Variants in RPS6KA2 observed in about 807,000 individuals in gnomAD.
The protein encoded by RPS6KA2 is ribosomal protein S6 kinase alpha-2.
RPS6KA2 carries 42 observed loss-of-function variants against 91.8 expected under a neutral mutation model. The ratio of observed to expected loss-of-function variants is 0.46; its 90% CI spans 0.36 to 0.59. The LOEUF is 0.59. Among genes scored for constraint, RPS6KA2 ranks in the 20% least tolerant of loss-of-function variants. RPS6KA2 has a pLI of 0.00. For missense variants in RPS6KA2, 798 were observed against 978.5 expected (o/e 0.82, Z 2.46); for synonymous variants, 414 against 393.6 (o/e 1.05, Z -0.61).
intron 1 of RPS6KA2, chr6:166,861,964 TC>T (rs1186659041): frequency 2.0e-6 from 2 of 991,702 alleles, no homozygotes; most frequent in East Asian, 4.8e-5. Flanking sequence ...AACATATACA[TC>T]CACACACACT....
intron 1 of RPS6KA2, among the ~76,000 whole-genome samples, chr6:166,550,738 C>T (rs956925618): frequency 3.3e-5 from 5 of 152,116 alleles, no homozygotes; most frequent in Non-Finnish European, 5.9e-5. Context: ...CGCGATGGCT[C>T]ACGCCTGTAA....
Position 166,594,261 on chromosome 6 carries a change from A to G in RPS6KA2, c.99+32660T>C, listed in dbSNP as rs187019504. ...AAGAACTGCACATATGTATACATGA[A>G]GAAAGAATCAGAGGAAATCAAAAAT... is the stretch of plus-strand genomic sequence containing the variant. On this transcript the variant is annotated intron_variant, in intron 1 of 20. Transcript: ENST00000265678. Among the ~76,000 whole-genome samples, 247 of 152,340 alleles carry G rather than the reference A, an allele frequency of 1.6e-3. 2 individuals carry two copies. The highest frequency in any genetic ancestry group is 5.7e-3 in the African/African-American group (237 of 41,578).
chr6:166,454,362 G>A (rs1016188864), intron 12 of RPS6KA2, among the ~76,000 whole-genome samples: 1 of 152,094 alleles, frequency 6.6e-6, no homozygotes, highest in Non-Finnish European at 1.5e-5. Flanking sequence ...GCCAGGCGGG[G>A]TGGCGCACGC....
At chr6:166,430,705 G>T in intron 15 of RPS6KA2, 94 bp from the exon 16 acceptor site, 1 of 1,330,912 alleles carries the variant, frequency 7.5e-7, no homozygotes, top group East Asian at 2.5e-5. Context: ...AGTCAGAGGG[G>T]AGAGGCTGGG....
At chr6:166,679,660 G>A (rs1226668944) in intron 2 of RPS6KA2, among the ~76,000 whole-genome samples, 2 of 152,198 alleles carry the variant, frequency 1.3e-5, no homozygotes, top group Admixed American at 6.5e-5. Flanking sequence ...ATCTGGCCGC[G>A]CTCGAGGAGC....
intron 1 of RPS6KA2, among the ~76,000 whole-genome samples, chr6:166,618,415 A>G (rs1284953616): frequency 6.6e-6 from 1 of 152,136 alleles, no homozygotes; most frequent in African/African-American, 2.4e-5. Context: ...GCAAAGCAGG[A>G]GGCCTGGGTG....
intron 2 of RPS6KA2, among the ~76,000 whole-genome samples, chr6:166,751,475 C>A (rs1221468999): frequency 6.6e-6 from 1 of 152,250 alleles, no homozygotes; most frequent in African/African-American, 2.4e-5. Flanking sequence ...GGAGGCAAAG[C>A]TGCACCGCAG....
chr6:166,540,731 G>A (rs1360092491), intron 1 of RPS6KA2, among the ~76,000 whole-genome samples: 2 of 152,116 alleles, frequency 1.3e-5, no homozygotes, highest in Admixed American at 6.5e-5. Flanking sequence ...ACCCGAGACT[G>A]TGCAGCTTTT....
chr6:166,648,269 TACACACGCATGCACACAGTATGCAC>T lies in RPS6KA2; in HGVS notation c.124-109510_124-109486del, dbSNP rs1355269437. The stretch of plus-strand genomic sequence containing the variant: ...ACACAGGCACACACACTCATGTTCA[TACACACGCATGCACACAGTATGCAC>T]ACACACGCATGTATACACATGCACA... On this transcript the variant is annotated intron_variant, in intron 2 of 21. Coordinates refer to the RPS6KA2 transcript ENST00000503859. The surrounding 1 kb of genome is among the most constrained non-coding windows in gnomAD (Gnocchi z 4.8). 6.6e-6 allele frequency among the ~76,000 whole-genome samples: 1 copy of T among 151,028 alleles called. No homozygotes were observed. The highest frequency in any genetic ancestry group is 6.6e-5 in the Admixed American group (1 of 15,158).
Position 166,557,203 on chromosome 6 carries a change from C to A in RPS6KA2, c.100-18419G>T, listed in dbSNP as rs1378544341. The stretch of plus-strand genomic sequence containing the variant: ...CCTGATCTACGGCAGGCAGTTCCCA[C>A]CCAGCCAACAGGCAGAGGCAGCTGC... On this transcript the variant is annotated intron_variant, in intron 1 of 20. Transcript: ENST00000265678. This position sits in a 1 kb window ranked among gnomAD's most constrained non-coding sequence, Gnocchi z 4.8. 6.6e-6 allele frequency among the ~76,000 whole-genome samples: 1 copy of A among 152,254 alleles called. No homozygotes were observed. Among genetic ancestry groups the A allele is most frequent in the Non-Finnish European group, 1.5e-5 (1 of 68,044 alleles).
Position 166,701,308 on chromosome 6 carries a change from G to T in RPS6KA2, c.123+156892C>A, listed in dbSNP as rs1404620424. 5 of 1,575,946 alleles carry T rather than the reference G, an allele frequency of 3.2e-6. No individual in the cohort carries two copies. The East Asian group carries it at 1.2e-4, about 36-fold the overall frequency. ...TGACAAATTCTGAAGTTCATTCACC[G>T]TTTTGCCTCCTTTTCCAGTAACTGC... On this transcript the variant is annotated intron_variant, in intron 2 of 21. Transcript: ENST00000503859.
In RPS6KA2 at chr6:166,508,977, C is replaced by T. The variant is rs964467016; in HGVS notation, c.380-695G>A. 3.3e-5 allele frequency among the ~76,000 whole-genome samples: 5 copies of T among 152,168 alleles called. No individual in the cohort carries two copies. The highest frequency in any genetic ancestry group is 2.1e-4 in the South Asian group (1 of 4,816). On this transcript the variant is annotated intron_variant, in intron 4 of 20. Coordinates refer to ENST00000265678, the MANE Select transcript of RPS6KA2 (RefSeq NM_021135.6). This position sits in a 1 kb window ranked among gnomAD's most constrained non-coding sequence, Gnocchi z 4.3. ...AAGCCCGTCACCATCGCTGCTGTGA[C>T]GATGGTTGCTGCAGTGGCACTGGTG...
At chr6:166,682,938 A>C (rs1354003629) in intron 2 of RPS6KA2, among the ~76,000 whole-genome samples, 1 of 152,150 alleles carries the variant, frequency 6.6e-6, no homozygotes, top group Non-Finnish European at 1.5e-5. Context: ...ACCCAAACCA[A>C]TGAGTTGAAG....
chr6:166,492,899 T>A (rs1781654756), intron 8 of RPS6KA2, among the ~76,000 whole-genome samples: 1 of 150,004 alleles, frequency 6.7e-6, no homozygotes, highest in African/African-American at 2.4e-5. Context: ...TATTTTTTTT[T>A]TTTTTTTTTT....
rs1483581606 is a variant in RPS6KA2, at chr6:166,626,977, A to T, written c.43T>A (p.Ser15Thr). The T allele has an allele frequency of 6.4e-7, 1 of 1,559,422 alleles. No individual in the cohort carries two copies. The change falls in exon 1 of 21, where the codon TCT becomes ACT. Residue 15 changes from serine to threonine, a missense_variant. Coordinates refer to ENST00000265678, the MANE Select transcript of RPS6KA2 (RefSeq NM_021135.6). The surrounding 1 kb of genome is among the most constrained non-coding windows in gnomAD (Gnocchi z 4.1). ...MKKFAVRRFF[S>T]VYLRRKSRSK... ...CGCGACTTCCTGCGCAGGTACACAG[A>T]GAAGAACCTGCGCACGGCGAACTTC... is the stretch of plus-strand genomic sequence containing the variant.
chr6:166,601,954 A>G (rs1311306276), intron 1 of RPS6KA2, among the ~76,000 whole-genome samples: 1 of 152,264 alleles, frequency 6.6e-6, no homozygotes, highest in African/African-American at 2.4e-5. Flanking sequence ...CAAACTTGAT[A>G]GCATTTACAA....
At chr6:166,605,111 A>T (rs568386942) in intron 1 of RPS6KA2, among the ~76,000 whole-genome samples, 10 of 152,266 alleles carry the variant, frequency 6.6e-5, no homozygotes, top group African/African-American at 1.9e-4. Context: ...ACTGCCTCCA[A>T]CCAGATTCTG....
At chr6:166,600,583 G>C (rs1785699308) in intron 1 of RPS6KA2, among the ~76,000 whole-genome samples, 1 of 152,234 alleles carries the variant, frequency 6.6e-6, no homozygotes, top group Admixed American at 6.5e-5. Flanking sequence ...AGTGCAGGAA[G>C]TCCACCTGAT....
intron 11 of RPS6KA2, among the ~76,000 whole-genome samples, chr6:166,466,841 CACTA>C (rs760197292): frequency 1.9e-4 from 29 of 152,150 alleles, no homozygotes; most frequent in Non-Finnish European, 3.7e-4. Context: ...CTCACTCATT[CACTA>C]ACTCACTCAC....
Sources: allele counts gnomAD v4.1 joint callset (sites outside exome capture counted in the v4.1 genomes callset), GRCh38; gene constraint gnomAD v4.1.1; non-coding constraint Gnocchi (gnomAD v3.1); transcripts MANE v1.5; gene names NCBI Gene and HGNC (gene_info 2026-07-23, HGNC 2026-07-21).